KIAA1217: variants seen among roughly 807,000 people sequenced by gnomAD.
The protein encoded by KIAA1217 is KIAA1217.
A neutral mutation model predicts 163.9 loss-of-function variants in KIAA1217; 88 were observed. The observed-to-expected ratio is 0.54, with a 90% CI of 0.45 to 0.64. KIAA1217 has a LOEUF of 0.64. Ranked by LOEUF, KIAA1217 falls within the 30% of genes least tolerant of loss-of-function variation. The pLI, the probability that KIAA1217 is intolerant of heterozygous loss-of-function variation, is 0.00. For missense variants in KIAA1217, 2,372 were observed against 2,475.0 expected, an observed-to-expected ratio of 0.96 and a Z score of 0.88; for synonymous variants, 903 against 923.1, an observed-to-expected ratio of 0.98 and a Z score of 0.39.
intron 2 of KIAA1217, among the ~76,000 whole-genome samples, chr10:24,370,707 C>T (rs56402335): frequency 0.12 from 18,636 of 152,104 alleles, 1,295 homozygotes; most frequent in South Asian, 0.3. Context: ...CTCAGCCTCA[C>T]GAGTAGCTGG....
At chr10:24,516,989 G>A (rs1326273595) in intron 10 of KIAA1217, among the ~76,000 whole-genome samples, 1 of 151,864 alleles carries the variant, frequency 6.6e-6, no homozygotes, top group Non-Finnish European at 1.5e-5. Flanking sequence ...GGAACACAGG[G>A]ACACCCAATG....
rs1197083230 is a variant in KIAA1217, at chr10:23,856,561, G to A, written c.-320-150664G>A. Among the ~76,000 whole-genome samples the A allele has an allele frequency of 2.0e-5, 3 of 152,366 alleles. No individual in the cohort carries two copies. In the East Asian group the frequency reaches 5.8e-4, roughly 29 times the overall value. ...CTTCAAAGCTGTCAGGGACATTTAA[G>A]TCTGCAGAGGTTACTGCTGTCTTTT... On this transcript the variant is annotated intron_variant, in intron 1 of 18. Transcript: ENST00000376462.
chr10:24,048,807 T>A (rs983124366), intron 2 of KIAA1217, among the ~76,000 whole-genome samples: 1 of 149,748 alleles, frequency 6.7e-6, no homozygotes, highest in African/African-American at 2.5e-5. Context: ...CCGAGGCGGG[T>A]GGATCACGAG....
chr10:24,060,205 AT>A (rs2060671063), intron 2 of KIAA1217, among the ~76,000 whole-genome samples: 1 of 150,300 alleles, frequency 6.7e-6, no homozygotes, highest in Non-Finnish European at 1.5e-5. Context: ...TCTAATCTTT[AT>A]TTCCTTCTTT....
At chr10:24,055,749 T>G (rs539190088) in intron 2 of KIAA1217, among the ~76,000 whole-genome samples, 1 of 152,180 alleles carries the variant, frequency 6.6e-6, no homozygotes, top group Admixed American at 6.5e-5. Context: ...TTTTTAGAGA[T>G]TTGTGAAGAA....
chr10:24,417,110 G>GT (rs971428886), intron 3 of KIAA1217, among the ~76,000 whole-genome samples: 3 of 151,740 alleles, frequency 2.0e-5, no homozygotes, highest in African/African-American at 4.8e-5. Flanking sequence ...CGAGTCTTTT[G>GT]TTTTTTTTAA....
At chr10:23,712,013 T>G (rs1170796750) in intron 1 of KIAA1217, among the ~76,000 whole-genome samples, 1 of 152,084 alleles carries the variant, frequency 6.6e-6, no homozygotes, top group Non-Finnish European at 1.5e-5. Context: ...TCTGCAGACA[T>G]TGTCAGAGAA....
chr10:23,858,100 C>A (rs1839785002), intron 1 of KIAA1217, among the ~76,000 whole-genome samples: 1 of 151,858 alleles, frequency 6.6e-6, no homozygotes, highest in Non-Finnish European at 1.5e-5. Flanking sequence ...GGAAAGAGGG[C>A]CAGGAAAGGA....
chr10:23,997,576 C>T (rs558947165), intron 1 of KIAA1217, among the ~76,000 whole-genome samples: 2 of 152,220 alleles, frequency 1.3e-5, no homozygotes, highest in South Asian at 2.1e-4. Context: ...TGGAAGGTTT[C>T]AGGATAATAT....
At chr10:23,777,845 T>C (rs2130894834) in intron 1 of KIAA1217, among the ~76,000 whole-genome samples, 1 of 152,362 alleles carries the variant, frequency 6.6e-6, no homozygotes, top group East Asian at 1.9e-4. Flanking sequence ...TTGTCATCCT[T>C]GTAGGGGTGG....
intron 1 of KIAA1217, among the ~76,000 whole-genome samples, chr10:23,704,592 C>T (rs149545920): frequency 7.9e-5 from 12 of 152,096 alleles, no homozygotes; most frequent in East Asian, 1.9e-4. Flanking sequence ...TTTCACTCTG[C>T]GTAATGTTTT....
At chr10:24,205,589 C>T (rs1004964145), upstream of KIAA1217, among the ~76,000 whole-genome samples, 1 of 151,572 alleles carries the variant, frequency 6.6e-6, no homozygotes, top group African/African-American at 2.4e-5. Context: ...CTGACTAACA[C>T]GGTGAAACCC....
intron 2 of KIAA1217, among the ~76,000 whole-genome samples, chr10:24,375,391 C>G (rs994384320): frequency 6.6e-6 from 1 of 152,172 alleles, no homozygotes; most frequent in African/African-American, 2.4e-5. Flanking sequence ...AATTTAGAAG[C>G]GTAGAGCTTC....
chr10:23,910,327 G>T lies in KIAA1217; in HGVS notation c.-320-96898G>T, dbSNP rs1370360753. On this transcript the variant is annotated intron_variant, in intron 1 of 18. Transcript: ENST00000376462. ...AAAAGAAAAGAAAAGAAAGCTAAGG[G>T]AAAAAGTAGATAAGCGATTTCAAAA... Among the ~76,000 whole-genome samples the T allele has an allele frequency of 2.0e-5, 3 of 152,006 alleles. No homozygotes were observed. The East Asian group carries it at 5.8e-4, about 29-fold the overall frequency.
At chr10:23,894,016 A>G (rs919300882) in intron 1 of KIAA1217, among the ~76,000 whole-genome samples, 1 of 152,048 alleles carries the variant, frequency 6.6e-6, no homozygotes, top group Non-Finnish European at 1.5e-5. Context: ...ATCTATGACA[A>G]ACCCACAGCC....
chr10:23,989,367 A>C (rs956547078), intron 1 of KIAA1217, among the ~76,000 whole-genome samples: 1 of 152,232 alleles, frequency 6.6e-6, no homozygotes, highest in Non-Finnish European at 1.5e-5. Flanking sequence ...GTGTAAAACT[A>C]TGTATTTTTT....
intron 1 of KIAA1217, among the ~76,000 whole-genome samples, chr10:23,996,173 G>T (rs1263738184): frequency 1.3e-5 from 2 of 152,096 alleles, no homozygotes; most frequent in East Asian, 3.8e-4. Flanking sequence ...TCATTATTCA[G>T]CCATTTTTGC....
intron 2 of KIAA1217, among the ~76,000 whole-genome samples, chr10:24,023,610 T>C (rs1847824957): frequency 6.6e-6 from 1 of 151,672 alleles, no homozygotes; most frequent in Non-Finnish European, 1.5e-5. Flanking sequence ...ATGTGGGAGT[T>C]CTGGAACCAA....
At chr10:23,796,898 G>C (rs989230403) in intron 1 of KIAA1217, among the ~76,000 whole-genome samples, 1 of 151,976 alleles carries the variant, frequency 6.6e-6, no homozygotes, top group Admixed American at 6.6e-5. Context: ...TGCCACCCAG[G>C]CTGGAGTGCA....
Sources: gnomAD v4.1 joint callset for allele counts (sites outside exome capture counted in the v4.1 genomes callset) on GRCh38, gnomAD v4.1.1 for gene constraint, MANE v1.5 for transcripts, NCBI Gene and HGNC (gene_info 2026-07-23, HGNC 2026-07-21) for gene names.